The following EPHA3 variants were observed in gnomAD, a reference collection of about 807,000 sequenced individuals.
EPHA3 encodes EPH receptor A3.
A neutral mutation model predicts 107.1 loss-of-function variants in EPHA3; 42 were observed. The ratio of observed to expected loss-of-function variants is 0.39; its 90% CI spans 0.31 to 0.51. EPHA3 has a LOEUF of 0.51. EPHA3 is among the 20% of genes least tolerant of loss of function. The pLI is 0.78. For missense variants in EPHA3, 1,183 were observed against 1,211.2 expected (o/e 0.98, Z 0.35); for synonymous variants, 461 against 424.8 (o/e 1.09, Z -1.05).
chr3:89,293,456 A>G (rs1246127363), intron 3 of EPHA3, among the ~76,000 whole-genome samples: 1 of 152,130 alleles, frequency 6.6e-6, no homozygotes, highest in Non-Finnish European at 1.5e-5. Flanking sequence ...GGGGCCAGAT[A>G]ATAAATAGTT....
At position 89,168,213 on chromosome 3, in the gene EPHA3, C is replaced by G. The variant is rs115151271; in HGVS notation, c.153+40940C>G. ...GGCTTGCCTGATTTGTCCTAGACCT[C>G]TGGCTGAGGAAACAATTTGAAATAA... On this transcript the variant is annotated intron_variant, in intron 2 of 16. Transcript: ENST00000336596. 6.5e-3 allele frequency among the ~76,000 whole-genome samples: 996 copies of G among 152,258 alleles called. 12 individuals are homozygous for G. The highest frequency in any genetic ancestry group is 0.023 in the African/African-American group (963 of 41,566).
At chr3:89,223,061 C>T (rs939447451) in intron 3 of EPHA3, among the ~76,000 whole-genome samples, 3 of 152,114 alleles carry the variant, frequency 2.0e-5, no homozygotes, top group African/African-American at 7.2e-5. Context: ...TAACATAATA[C>T]AACTCTTTAA....
intron 5 of EPHA3, among the ~76,000 whole-genome samples, chr3:89,370,602 A>G (rs1708280966): frequency 6.6e-6 from 1 of 151,962 alleles, no homozygotes; most frequent in African/African-American, 2.4e-5. Flanking sequence ...GCACATGTAT[A>G]CATATGTAAC....
intron 15 of EPHA3, among the ~76,000 whole-genome samples, chr3:89,452,933 C>A (rs1319512297): frequency 6.6e-6 from 1 of 151,808 alleles, no homozygotes; most frequent in Non-Finnish European, 1.5e-5. Context: ...ATCTTAATAT[C>A]AGTATATAAG....
chr3:89,395,502 T>C (rs1365918485), intron 5 of EPHA3, among the ~76,000 whole-genome samples: 1 of 152,192 alleles, frequency 6.6e-6, no homozygotes, highest in Non-Finnish European at 1.5e-5. Context: ...GTTTTGTTCT[T>C]TTTTTAATAC....
chr3:89,145,076 A>T (rs1176231783), intron 2 of EPHA3, among the ~76,000 whole-genome samples: 13 of 151,738 alleles, frequency 8.6e-5, no homozygotes, highest in South Asian at 2.1e-4. Flanking sequence ...TTCCAGGAAG[A>T]AAAGAATTCA....
chr3:89,467,210 T>C (rs1371966561), intron 15 of EPHA3, among the ~76,000 whole-genome samples: 1 of 152,178 alleles, frequency 6.6e-6, no homozygotes, highest in Non-Finnish European at 1.5e-5. Context: ...CATTTGAAAT[T>C]TTAAAAAACA....
Position 89,277,744 on chromosome 3 carries a change from G to A in EPHA3, c.815-63172G>A, listed in dbSNP as rs557679866. 1.1e-4 allele frequency among the ~76,000 whole-genome samples: 17 copies of A among 152,026 alleles called. No homozygotes were observed. The South Asian group carries it at 3.3e-3, about 30-fold the overall frequency. ...TATTGCTCTTTTCTCAAAAATTTCC[G>A]GAAACTTTATTTTCCAGTGACTATT... is the stretch of plus-strand genomic sequence containing the variant. On this transcript the variant is annotated intron_variant, in intron 3 of 16. Coordinates refer to ENST00000336596, the MANE Select transcript of EPHA3 (RefSeq NM_005233.6).
intron 13 of EPHA3, among the ~76,000 whole-genome samples, chr3:89,441,592 C>T (rs916895681): frequency 1.3e-5 from 2 of 152,058 alleles, no homozygotes; most frequent in African/African-American, 4.8e-5. Context: ...AAAGCATCTA[C>T]ATTTTAAAAA....
At chr3:89,375,621 T>A (rs532941304) in intron 5 of EPHA3, among the ~76,000 whole-genome samples, 4 of 151,746 alleles carry the variant, frequency 2.6e-5, no homozygotes, top group Non-Finnish European at 4.4e-5. Flanking sequence ...TTGAAGAGTA[T>A]AATTTTTTAT....
In EPHA3 at chr3:89,420,128, A is replaced by G. The variant is rs80032174; in HGVS notation, c.2074+738A>G. On this transcript the variant is annotated intron_variant, in intron 11 of 16. Coordinates refer to ENST00000336596, the MANE Select transcript of EPHA3 (RefSeq NM_005233.6). Reference sequence around the variant, plus strand: ...ATACTCTGGGACATTTTTCCTCAAGATTTTGGAGCTCAGGATGAAGAATAA... The same window carrying G: ...ATACTCTGGGACATTTTTCCTCAAGGTTTTGGAGCTCAGGATGAAGAATAA... 9.7e-3 allele frequency among the ~76,000 whole-genome samples: 1,469 copies of G among 151,512 alleles called. 27 individuals are homozygous for G. The highest frequency in any genetic ancestry group is 0.034 in the African/African-American group (1,405 of 41,432).
intron 2 of EPHA3, among the ~76,000 whole-genome samples, chr3:89,129,718 A>G (rs1704164166): frequency 6.6e-6 from 1 of 151,692 alleles, no homozygotes; most frequent in South Asian, 2.1e-4. Context: ...TCTAGATTCA[A>G]TTAATTATTG....
At chr3:89,134,667 G>A (rs572057321) in intron 2 of EPHA3, among the ~76,000 whole-genome samples, 25 of 152,022 alleles carry the variant, frequency 1.6e-4, no homozygotes, top group Non-Finnish European at 3.2e-4. Context: ...GAATAGTGCC[G>A]CAGCTTTCAA....
intron 2 of EPHA3, among the ~76,000 whole-genome samples, chr3:89,135,686 T>G (rs1412759268): frequency 1.3e-5 from 2 of 151,556 alleles, no homozygotes; most frequent in East Asian, 3.9e-4. Flanking sequence ...TATATTACAT[T>G]GTCTTTTTTA....
chr3:89,326,247 A>AT, intron 3 of EPHA3, among the ~76,000 whole-genome samples: 1 of 152,218 alleles, frequency 6.6e-6, no homozygotes, highest in Non-Finnish European at 1.5e-5. Context: ...GTATTTGCAA[A>AT]TAGCCTATTG....
rs189274045 is a variant in EPHA3 at position 89,410,083 on chromosome 3, A to C, written c.1762+1952A>C. ...CAGCCTGAATCACCTGATTCCTGGA[A>C]TCTCTGGGGTCAGCAGTTAAAGATC... is the stretch of plus-strand genomic sequence containing the variant. On this transcript the variant is annotated intron_variant, in intron 9 of 16. Transcript: ENST00000336596. 2.0e-3 allele frequency among the ~76,000 whole-genome samples: 311 copies of C among 152,008 alleles called. 2 individuals carry two copies. Among genetic ancestry groups the C allele is most frequent in the Middle Eastern group, 6.8e-3 (2 of 294 alleles).
At position 89,336,809 on chromosome 3, in the gene EPHA3, C is replaced by T. The variant is rs1707402402; in HGVS notation, c.815-4107C>T. 2.6e-5 allele frequency among the ~76,000 whole-genome samples: 4 copies of T among 152,018 alleles called. No homozygotes were observed. The South Asian group carries it at 6.2e-4, about 24-fold the overall frequency. ...GGTGCAGTAGCCCAAGCCTGTAACC[C>T]CAGCACTTTGGGAAGCTGAAGGGGG... On this transcript the variant is annotated intron_variant, in intron 3 of 16. Transcript: ENST00000336596.
intron 3 of EPHA3, among the ~76,000 whole-genome samples, chr3:89,273,389 A>G (rs1705726354): frequency 6.6e-6 from 1 of 151,950 alleles, no homozygotes; most frequent in Admixed American, 6.6e-5. Context: ...ACCTTAGTTT[A>G]AACTTTATAT....
At chr3:89,476,583 A>ATTTTTTTT in intron 16 of EPHA3, among the ~76,000 whole-genome samples, 1 of 130,828 alleles carries the variant, frequency 7.6e-6, no homozygotes, top group African/African-American at 2.8e-5. Context: ...GACTATTATT[A>ATTTTTTTT]TTTTTATTTA....
Sources: allele counts gnomAD v4.1 joint callset (sites outside exome capture counted in the v4.1 genomes callset), GRCh38; gene constraint gnomAD v4.1.1; transcripts MANE v1.5; gene names NCBI Gene and HGNC (gene_info 2026-07-23, HGNC 2026-07-21).